VPS50: variants seen among roughly 807,000 people sequenced by gnomAD.
The protein encoded by VPS50 is syndetin.
In VPS50, 70 loss-of-function variants were observed where a neutral mutation model predicts 139.7. The ratio of observed to expected loss-of-function variants is 0.50; its 90% confidence interval spans 0.41 to 0.61. VPS50 has a LOEUF of 0.61. Among genes scored for constraint, VPS50 ranks in the 20% least tolerant of loss-of-function variants. The pLI, the probability that VPS50 is intolerant of heterozygous loss-of-function variation, is 0.00. For missense variants in VPS50, 921 were observed against 1,133.7 expected, an observed-to-expected ratio of 0.81 and a Z score of 2.69; for synonymous variants, 365 against 376.7, an observed-to-expected ratio of 0.97 and a Z score of 0.36.
chr7:93,287,402 A>G (rs1045863251), intron 12 of VPS50, among the ~76,000 whole-genome samples: 4 of 151,726 alleles, frequency 2.6e-5, no homozygotes, highest in African/African-American at 9.7e-5. Flanking sequence ...TCCTCAAGAG[A>G]TAACATAATG....
intron 4 of VPS50, among the ~76,000 whole-genome samples, chr7:93,254,206 G>GT (rs958822894): frequency 6.6e-6 from 1 of 152,176 alleles, no homozygotes; most frequent in Non-Finnish European, 1.5e-5. Context: ...TTTTAGATTA[G>GT]TAAGTACCTT....
At chr7:93,238,989 A>G (rs909428764) in intron 1 of VPS50, among the ~76,000 whole-genome samples, 2 of 152,182 alleles carry the variant, frequency 1.3e-5, no homozygotes, top group African/African-American at 2.4e-5. Context: ...GAGAAAATAC[A>G]CATCTCTGTA....
At chr7:93,275,474 A>G (rs1796125693) in intron 11 of VPS50, among the ~76,000 whole-genome samples, 1 of 152,162 alleles carries the variant, frequency 6.6e-6, no homozygotes, top group African/African-American at 2.4e-5. Context: ...AAGACCCTCG[A>G]CCAGAAAAAA....
At chr7:93,346,507 G>T (rs1054348349) in intron 23 of VPS50, among the ~76,000 whole-genome samples, 9 of 152,176 alleles carry the variant, frequency 5.9e-5, no homozygotes, top group Non-Finnish European at 1.2e-4. Flanking sequence ...AAAAGAGCCT[G>T]CATCGCCAAG....
chr7:93,291,095 G>A (rs1304951773), intron 12 of VPS50, among the ~76,000 whole-genome samples: 1 of 152,040 alleles, frequency 6.6e-6, no homozygotes, highest in African/African-American at 2.4e-5. Context: ...ATGGCAAATT[G>A]GTTGTTTTTA....
At chr7:93,263,054 C>T (rs142547704) in intron 9 of VPS50, among the ~76,000 whole-genome samples, 35 of 148,232 alleles carry the variant, frequency 2.4e-4, no homozygotes, top group African/African-American at 7.2e-4. Flanking sequence ...TTTTTCTGTG[C>T]GTTTTTCTTT....
chr7:93,333,875 T>C (rs1798002455), intron 21 of VPS50: 2 of 420,594 alleles, frequency 4.8e-6, no homozygotes, highest in Middle Eastern at 6.8e-4. Flanking sequence ...AACTCTCTCC[T>C]GATAATTCTT....
At chr7:93,252,310 A>G (rs771461447) in intron 2 of VPS50, among the ~76,000 whole-genome samples, 4 of 152,214 alleles carry the variant, frequency 2.6e-5, no homozygotes, top group Non-Finnish European at 5.9e-5. Context: ...ATATTATTAA[A>G]TAGTAAAATT....
In VPS50 at chr7:93,341,557, T is replaced by G; in HGVS notation, c.2189T>G (p.Val730Gly). The G allele has an allele frequency of 6.2e-7, 1 of 1,607,602 alleles. No individual in the cohort carries two copies. The highest frequency in any genetic ancestry group is 8.5e-7 in the Non-Finnish European group (1 of 1,177,630). The stretch of plus-strand genomic sequence containing the variant: ...ACGCTGTATGGGTTGGCAGAAAGAG[T>G]GGTAGCCACGGAATCCTTGTAAGTT... ...GDTLYGLAER[V>G]VATESLVFLA... is the part of the protein sequence containing the mutation. The change falls in exon 23 of 28, where the codon GTG (valine) becomes GGG (glycine). Residue 730 changes from valine (V) to glycine (G), a missense_variant. Physicochemically the swap from Val to Gly is moderately radical, Grantham distance 109. Transcript: ENST00000305866.
At chr7:93,282,751 C>T (rs1189431753) in intron 12 of VPS50, among the ~76,000 whole-genome samples, 1 of 152,090 alleles carries the variant, frequency 6.6e-6, no homozygotes, top group Non-Finnish European at 1.5e-5. Context: ...GGTGAGTAGA[C>T]CTTTCTTGCT....
chr7:93,327,461 C>T (rs1797816193), intron 21 of VPS50, among the ~76,000 whole-genome samples: 1 of 152,084 alleles, frequency 6.6e-6, no homozygotes, highest in Admixed American at 6.6e-5. Flanking sequence ...AGAATTTTTT[C>T]AGAATGGCAT....
intron 2 of VPS50, chr7:93,246,183 G>T: frequency 1.8e-6 from 2 of 1,106,980 alleles, no homozygotes; most frequent in South Asian, 2.8e-5. Flanking sequence ...TTATGTTGAC[G>T]AATGAAGAAA....
At chr7:93,260,542 T>A (rs1207080766) in intron 9 of VPS50, among the ~76,000 whole-genome samples, 1 of 152,072 alleles carries the variant, frequency 6.6e-6, no homozygotes, top group African/African-American at 2.4e-5. Flanking sequence ...TGAATTAATT[T>A]TTAAAAAATT....
intron 9 of VPS50, among the ~76,000 whole-genome samples, chr7:93,263,723 G>A (rs1795755900): frequency 6.6e-6 from 1 of 152,108 alleles, no homozygotes; most frequent in Non-Finnish European, 1.5e-5. Context: ...TCTATATCTT[G>A]TAAGTCTCAG....
intron 20 of VPS50, among the ~76,000 whole-genome samples, chr7:93,315,802 A>G (rs1797409647): frequency 6.6e-6 from 1 of 151,064 alleles, no homozygotes; most frequent in Non-Finnish European, 1.5e-5. Context: ...TTTTTTTGCC[A>G]TGTATATTGC....
chr7:93,257,604 A>G (rs1043506197), intron 6 of VPS50, 140 bp downstream of exon 6: 1 of 544,558 alleles, frequency 1.8e-6, no homozygotes. Flanking sequence ...ATATATCATG[A>G]TCTAAAGACT....
chr7:93,331,762 T>C (rs1797948343), intron 21 of VPS50, among the ~76,000 whole-genome samples: 1 of 152,126 alleles, frequency 6.6e-6, no homozygotes. Context: ...TTAACAACGT[T>C]TGCTAAAGAG....
In VPS50 at chr7:93,359,853, G is replaced by A. The variant is rs1280116762; in HGVS notation, c.*1417G>A. On this transcript the variant is annotated 3_prime_UTR_variant, in exon 28 of 28. Coordinates refer to ENST00000305866, the MANE Select transcript of VPS50 (RefSeq NM_017667.4). ...GTAATGTGAAGCACTTTCAGAATAT[G>A]TTTGTGTGTGTCTGTATGCTGAGTG... is the stretch of plus-strand genomic sequence containing the variant. 1 of 152,172 alleles carries A rather than the reference G, an allele frequency of 6.6e-6. No homozygotes were observed. The highest frequency in any genetic ancestry group is 2.4e-5 in the African/African-American group (1 of 41,438). 9.4% of individuals were successfully genotyped at this position (152,172 alleles called of 1,614,324 possible).
intron 9 of VPS50, among the ~76,000 whole-genome samples, chr7:93,269,632 C>T (rs1795946459): frequency 6.6e-6 from 1 of 152,018 alleles, no homozygotes; most frequent in African/African-American, 2.4e-5. Context: ...CTATATCTCA[C>T]TCTGGTATTA....
Sources: gnomAD v4.1 joint callset for allele counts (sites outside exome capture counted in the v4.1 genomes callset) on GRCh38, gnomAD v4.1.1 for gene constraint, MANE v1.5 for transcripts, NCBI Gene and HGNC (gene_info 2026-07-23, HGNC 2026-07-21) for gene names.